GRIA4: variants seen among roughly 807,000 people sequenced by gnomAD.
GRIA4 encodes glutamate receptor 4.
GRIA4 carries 34 observed loss-of-function variants against 104.0 expected under a neutral mutation model. The observed-to-expected ratio is 0.33, with a 90% CI of 0.25 to 0.44. The LOEUF (loss-of-function observed/expected upper bound fraction) is 0.44. GRIA4 is among the 20% of genes least tolerant of loss of function. GRIA4 has a pLI of 1.00. For missense variants in GRIA4, 750 were observed against 1,096.5 expected (o/e 0.68, Z 4.46); for synonymous variants, 386 against 381.9 (o/e 1.01, Z -0.13).
intron 3 of GRIA4, among the ~76,000 whole-genome samples, chr11:105,641,635 G>A (rs969586535): frequency 2.0e-5 from 3 of 151,964 alleles, no homozygotes; most frequent in African/African-American, 7.2e-5. Flanking sequence ...GAATCCAAAG[G>A]GCCCTTTGGT....
At chr11:105,837,078 C>A (rs200372839) in intron 4 of GRIA4, among the ~76,000 whole-genome samples, 1 of 151,826 alleles carries the variant, frequency 6.6e-6, no homozygotes, top group Non-Finnish European at 1.5e-5. Context: ...TAATGGCGGG[C>A]AAGAGAGAGG....
rs1447335323 is a variant in GRIA4 at position 105,753,324 on chromosome 11, C to T, written c.487+104C>T. The T allele has an allele frequency of 9.0e-6, 9 of 1,000,680 alleles. No individual in the cohort carries two copies. In the East Asian group the frequency reaches 1.9e-4, roughly 21 times the overall value. The allele number at this position is 1,000,680 out of a possible 1,614,324, so 62.0% of individuals were successfully genotyped here. ...GCAAATTGTTTGATCTCTAACATCA[C>T]TAAAATCAGAAAATGGTTGATGTGT... On this transcript the variant is annotated intron_variant, in intron 4 of 16. Coordinates refer to ENST00000282499, the MANE Select transcript of GRIA4 (RefSeq NM_000829.4).
intron 3 of GRIA4, among the ~76,000 whole-genome samples, chr11:105,657,949 T>C (rs934511667): frequency 2.6e-5 from 4 of 151,826 alleles, no homozygotes; most frequent in African/African-American, 9.7e-5. Context: ...ATAAAGTGTA[T>C]TTTAAAATTT....
intron 3 of GRIA4, chr11:105,614,466 G>T (rs1014752816): frequency 6.6e-6 from 1 of 151,870 alleles, no homozygotes; most frequent in Admixed American, 6.6e-5. Flanking sequence ...TTAGCAAGTT[G>T]CATACAGAAT....
chr11:105,717,132 T>TAGAATGA (rs1954119195), intron 3 of GRIA4, among the ~76,000 whole-genome samples: 1 of 152,080 alleles, frequency 6.6e-6, no homozygotes, highest in Non-Finnish European at 1.5e-5. Context: ...ATTATCTTCA[T>TAGAATGA]CTCCATAGAA....
intron 4 of GRIA4, among the ~76,000 whole-genome samples, chr11:105,762,099 C>A (rs1345809705): frequency 6.6e-6 from 1 of 151,748 alleles, no homozygotes; most frequent in African/African-American, 2.4e-5. Flanking sequence ...TCTCAGCTCA[C>A]TGCAACCTCT....
At chr11:105,725,328 G>A (rs1406467189) in intron 3 of GRIA4, among the ~76,000 whole-genome samples, 1 of 152,034 alleles carries the variant, frequency 6.6e-6, no homozygotes, top group African/African-American at 2.4e-5. Flanking sequence ...ACTAAATCTA[G>A]GACAAAAAGA....
At chr11:105,822,170 A>G (rs1009407370) in intron 4 of GRIA4, among the ~76,000 whole-genome samples, 2 of 152,130 alleles carry the variant, frequency 1.3e-5, no homozygotes, top group Admixed American at 1.3e-4. Context: ...CAAATAATAT[A>G]AATATAATTT....
intron 3 of GRIA4, among the ~76,000 whole-genome samples, chr11:105,659,133 T>C (rs1951931706): frequency 6.6e-6 from 1 of 152,008 alleles, no homozygotes; most frequent in Admixed American, 6.6e-5. Flanking sequence ...AGTGCATTAG[T>C]TGCTTCCTCA....
intron 4 of GRIA4, among the ~76,000 whole-genome samples, chr11:105,819,412 C>T (rs1053231911): frequency 2.6e-5 from 4 of 152,146 alleles, no homozygotes; most frequent in Non-Finnish European, 5.9e-5. Flanking sequence ...TAACAGTACT[C>T]AGCACATAAC....
intron 3 of GRIA4, among the ~76,000 whole-genome samples, chr11:105,678,991 T>C (rs1001272355): frequency 2.0e-5 from 3 of 152,130 alleles, no homozygotes; most frequent in Non-Finnish European, 2.9e-5. Flanking sequence ...CCACTAAGAA[T>C]ATCCTGAGTT....
intron 15 of GRIA4, 119 bp from the exon 16 acceptor site, chr11:105,974,191 T>C: frequency 1.0e-6 from 1 of 962,766 alleles, no homozygotes; most frequent in Non-Finnish European, 1.6e-6. Context: ...CTTATACTTG[T>C]AAATCATTTC....
At chr11:105,966,128 CT>C in intron 14 of GRIA4, 2 of 1,147,700 alleles carry the variant, frequency 1.7e-6, no homozygotes, top group Non-Finnish European at 2.6e-6. Flanking sequence ...TGCTGGGAGA[CT>C]TATGGTTTGG....
chr11:105,906,139 T>C (rs184652237), intron 9 of GRIA4, among the ~76,000 whole-genome samples: 4 of 152,346 alleles, frequency 2.6e-5, no homozygotes, highest in Non-Finnish European at 5.9e-5. Flanking sequence ...ATAACTGCAA[T>C]TTATGAAATG....
At chr11:105,721,801 T>C (rs1394858675) in intron 3 of GRIA4, among the ~76,000 whole-genome samples, 1 of 152,178 alleles carries the variant, frequency 6.6e-6, no homozygotes, top group East Asian at 1.9e-4. Context: ...ATATTGGGCA[T>C]GAGGAGCTTC....
At chr11:105,943,725 A>T (rs1948237174) in intron 14 of GRIA4, among the ~76,000 whole-genome samples, 1 of 152,120 alleles carries the variant, frequency 6.6e-6, no homozygotes, top group Non-Finnish European at 1.5e-5. Flanking sequence ...TTCTAAATAT[A>T]AAGATATTGT....
intron 4 of GRIA4, among the ~76,000 whole-genome samples, chr11:105,753,689 A>C (rs948043588): frequency 6.6e-6 from 1 of 152,164 alleles, no homozygotes; most frequent in African/African-American, 2.4e-5. Context: ...AAGACTGAAC[A>C]TCACTTTGGA....
chr11:105,934,395 CT>C (rs1273353237), intron 14 of GRIA4, among the ~76,000 whole-genome samples: 2 of 152,104 alleles, frequency 1.3e-5, no homozygotes, highest in African/African-American at 4.8e-5. Context: ...TAGCAAACCA[CT>C]TTTTTTCCAT....
At chr11:105,681,958 C>T (rs1227843446) in intron 3 of GRIA4, among the ~76,000 whole-genome samples, 1 of 152,068 alleles carries the variant, frequency 6.6e-6, no homozygotes, top group Non-Finnish European at 1.5e-5. Flanking sequence ...AGGAGAATCA[C>T]TTGAGCCTGG....
Sources: allele counts gnomAD v4.1 joint callset (sites outside exome capture counted in the v4.1 genomes callset), GRCh38; gene constraint gnomAD v4.1.1; transcripts MANE v1.5; gene names NCBI Gene and HGNC (gene_info 2026-07-23, HGNC 2026-07-21).